The following ALK variants were observed in gnomAD, a reference collection of about 807,000 sequenced individuals.
The protein encoded by ALK is ALK tyrosine kinase receptor.
A neutral mutation model predicts 163.1 loss-of-function variants in ALK; 74 were observed. The ratio of observed to expected loss-of-function variants is 0.45; its 90% CI spans 0.38 to 0.55. The LOEUF (loss-of-function observed/expected upper bound fraction) is 0.55, where lower values mean the gene tolerates loss of function less well. Among genes scored for constraint, ALK ranks in the 20% least tolerant of loss-of-function variants. The probability of loss-of-function intolerance (pLI) is 0.00; values close to 1 mark genes in which losing one functional copy is unlikely to be tolerated. For missense variants in ALK, 2,063 were observed against 2,105.3 expected (o/e 0.98, Z 0.39); for synonymous variants, 960 against 843.2 (o/e 1.14, Z -2.40).
intron 1 of ALK, among the ~76,000 whole-genome samples, chr2:29,763,909 G>A (rs1680785304): frequency 6.6e-6 from 1 of 152,006 alleles, no homozygotes; most frequent in East Asian, 1.9e-4. Context: ...CCTTCTTCAG[G>A]GCCCCACACC....
At chr2:29,204,257 G>T (rs1290230554) in intron 26 of ALK, among the ~76,000 whole-genome samples, 1 of 152,178 alleles carries the variant, frequency 6.6e-6, no homozygotes, top group Non-Finnish European at 1.5e-5. Context: ...ATTGACTAAA[G>T]CCCATACTTC....
chr2:29,564,578 C>T (rs1255030646), intron 3 of ALK, among the ~76,000 whole-genome samples: 2 of 152,178 alleles, frequency 1.3e-5, no homozygotes, highest in Non-Finnish European at 2.9e-5. Context: ...GACTGGTCAA[C>T]CTGCCCTCTC....
In ALK at chr2:29,391,387, C is replaced by T. The variant is rs185914769; in HGVS notation, c.1155-7528G>A. Reference sequence around the variant, plus strand: ...CACGATCTTGGCTCACTGCAACGTCCGCCTCCTGGCTCAAGCGATTCTCAT... The same window carrying T: ...CACGATCTTGGCTCACTGCAACGTCTGCCTCCTGGCTCAAGCGATTCTCAT... On this transcript the variant is annotated intron_variant, in intron 4 of 28. Transcript: ENST00000389048. Among the ~76,000 whole-genome samples the T allele has an allele frequency of 1.4e-4, 21 of 151,944 alleles. No individual in the cohort carries two copies. The South Asian group carries it at 2.7e-3, about 20-fold the overall frequency.
intron 4 of ALK, among the ~76,000 whole-genome samples, chr2:29,451,509 C>T (rs1399304841): frequency 6.6e-6 from 1 of 151,690 alleles, no homozygotes; most frequent in Admixed American, 6.6e-5. Flanking sequence ...ACACTACTTG[C>T]TATCCTCATC....
intron 1 of ALK, among the ~76,000 whole-genome samples, chr2:29,737,506 G>A (rs1056244299): frequency 6.6e-6 from 1 of 152,054 alleles, no homozygotes; most frequent in South Asian, 2.1e-4. Context: ...CTAAGAAGAC[G>A]TTAATTCCAA....
At chr2:29,817,308 T>C (rs1288725389) in intron 1 of ALK, among the ~76,000 whole-genome samples, 2 of 152,220 alleles carry the variant, frequency 1.3e-5, no homozygotes, top group African/African-American at 4.8e-5. Flanking sequence ...AGGTCAGCTT[T>C]CATGGATCTC....
At chr2:29,270,244 C>G (rs1430707805) in intron 11 of ALK, among the ~76,000 whole-genome samples, 1 of 152,232 alleles carries the variant, frequency 6.6e-6, no homozygotes, top group Non-Finnish European at 1.5e-5. Context: ...GAAATTTTCA[C>G]TTTCTGCATG....
At chr2:29,485,387 A>T (rs1355899222) in intron 4 of ALK, among the ~76,000 whole-genome samples, 1 of 152,132 alleles carries the variant, frequency 6.6e-6, no homozygotes, top group African/African-American at 2.4e-5. Context: ...TTGTGTTTCT[A>T]ATATGTATAA....
chr2:29,666,659 T>C (rs984875255), intron 3 of ALK, among the ~76,000 whole-genome samples: 1 of 152,124 alleles, frequency 6.6e-6, no homozygotes, highest in African/African-American at 2.4e-5. Context: ...AGCTCCAATC[T>C]TGAGCATGCC....
intron 1 of ALK, among the ~76,000 whole-genome samples, chr2:29,906,683 C>T (rs1473133135): frequency 6.6e-6 from 1 of 152,130 alleles, no homozygotes; most frequent in Non-Finnish European, 1.5e-5. Context: ...TGTTATCTGA[C>T]CTCTCTGAGC....
chr2:29,518,972 T>A (rs1414712428), intron 4 of ALK, among the ~76,000 whole-genome samples: 1 of 152,206 alleles, frequency 6.6e-6, no homozygotes, highest in African/African-American at 2.4e-5. Context: ...GTCTTTGTAT[T>A]AAGAACATGG....
At chr2:29,280,441 G>C (rs951545621) in intron 9 of ALK, among the ~76,000 whole-genome samples, 2 of 150,934 alleles carry the variant, frequency 1.3e-5, no homozygotes, top group East Asian at 2.0e-4. Flanking sequence ...TGTACCCGGT[G>C]GACCACTCTG....
chr2:29,251,000 A>T, intron 12 of ALK, 105 bp downstream of exon 12: 2 of 1,238,886 alleles, frequency 1.6e-6, no homozygotes, highest in Non-Finnish European at 2.2e-6. Flanking sequence ...TTGCCTTTGA[A>T]CCTTGACATG....
At chr2:29,826,899 G>A (rs1665218050) in intron 1 of ALK, among the ~76,000 whole-genome samples, 1 of 152,240 alleles carries the variant, frequency 6.6e-6, no homozygotes, top group Non-Finnish European at 1.5e-5. Flanking sequence ...TGCCATGTCG[G>A]TATTAGTCAG....
At chr2:29,268,449 G>A (rs1312313970) in intron 11 of ALK, among the ~76,000 whole-genome samples, 1 of 152,202 alleles carries the variant, frequency 6.6e-6, no homozygotes, top group East Asian at 1.9e-4. Flanking sequence ...GGCTTATGCA[G>A]ACGAAGCTTT....
chr2:29,461,702 G>A (rs1410264131), intron 4 of ALK, among the ~76,000 whole-genome samples: 1 of 152,166 alleles, frequency 6.6e-6, no homozygotes, highest in Non-Finnish European at 1.5e-5. Context: ...CTCTGATGGA[G>A]CTGTATAAGG....
chr2:29,574,242 T>A (rs1172618542), intron 3 of ALK, among the ~76,000 whole-genome samples: 2 of 152,094 alleles, frequency 1.3e-5, no homozygotes, highest in Admixed American at 1.3e-4. Flanking sequence ...TACCACTGCA[T>A]CTCCCTAAGC....
At chr2:29,727,233 A>G (rs1318124813) in intron 1 of ALK, among the ~76,000 whole-genome samples, 1 of 152,190 alleles carries the variant, frequency 6.6e-6, no homozygotes, top group Non-Finnish European at 1.5e-5. Context: ...GTCCAAGGGA[A>G]GATGCTTAGG....
At chr2:29,889,681 TATAG>T (rs144219054) in intron 1 of ALK, among the ~76,000 whole-genome samples, 61,740 of 136,656 alleles carry the variant, frequency 0.45, 15,609 homozygotes, top group Non-Finnish European at 0.54. Context: ...TCTGTATCTA[TATAG>T]ATAGATAGAC....
Sources: gnomAD v4.1 joint callset for allele counts (sites outside exome capture counted in the v4.1 genomes callset) on GRCh38, gnomAD v4.1.1 for gene constraint, MANE v1.5 for transcripts, NCBI Gene and HGNC (gene_info 2026-07-23, HGNC 2026-07-21) for gene names.